GALNT9: variants seen among roughly 807,000 people sequenced by gnomAD.
The protein encoded by GALNT9 is GalNAc transferase 9.
A neutral mutation model predicts 63.1 loss-of-function variants in GALNT9; 47 were observed. The ratio of observed to expected loss-of-function variants is 0.75; its 90% CI spans 0.59 to 0.95. GALNT9 has a LOEUF of 0.95. GALNT9 is among the 40% of genes least tolerant of loss of function. GALNT9 has a pLI of 0.00. For missense variants in GALNT9, 829 were observed against 874.8 expected, an observed-to-expected ratio of 0.95 and a Z score of 0.66; for synonymous variants, 396 against 365.7, an observed-to-expected ratio of 1.08 and a Z score of -0.94.
At chr12:132,247,522 G>C in intron 6 of GALNT9, 1 of 454,596 alleles carries the variant, frequency 2.2e-6, no homozygotes, top group Non-Finnish European at 4.4e-6. Flanking sequence ...GCTCTGGAGA[G>C]GGCTCAGTGC....
At chr12:132,250,759 CCAG>C (rs2135536663) in intron 5 of GALNT9, among the ~76,000 whole-genome samples, 1 of 152,282 alleles carries the variant, frequency 6.6e-6, no homozygotes, top group South Asian at 2.1e-4. Context: ...CCACTGCACT[CCAG>C]CCCGGGTGAC....
Position 132,266,158 on chromosome 12 carries a change from C to T in GALNT9, c.420-3533G>A, listed in dbSNP as rs28407282. On this transcript the variant is annotated intron_variant, in intron 2 of 10. Transcript: ENST00000328957. ...GGCCTGTCTGCCTTTACACGCCTGACCTCGCCGTATTTCATGAACAGGCAT... is the reference window on the plus strand; with the variant it reads ...GGCCTGTCTGCCTTTACACGCCTGATCTCGCCGTATTTCATGAACAGGCAT... Among the ~76,000 whole-genome samples, 1,396 of 149,352 alleles carry T rather than the reference C, an allele frequency of 9.3e-3. 24 individuals carry two copies. The highest frequency in any genetic ancestry group is 0.071 in the South Asian group (321 of 4,502).
chr12:132,218,553 C>T (rs369398020), intron 6 of GALNT9, among the ~76,000 whole-genome samples: 1 of 152,242 alleles, frequency 6.6e-6, no homozygotes, highest in African/African-American at 2.4e-5. Context: ...GAGCCCAGGT[C>T]GGTTTCGGGA....
chr12:132,230,442 C>T (rs1005496033), intron 6 of GALNT9, among the ~76,000 whole-genome samples: 2,184 of 152,344 alleles, frequency 0.014, 44 homozygotes, highest in African/African-American at 0.05. Context: ...GGGCACCTGG[C>T]GTTCGCTGCC....
intron 2 of GALNT9, chr12:132,283,411 A>G (rs1462973287): frequency 6.6e-6 from 1 of 152,162 alleles, no homozygotes; most frequent in Non-Finnish European, 1.5e-5. Flanking sequence ...TGATGTTTCC[A>G]CTGTTGCTGT....
Position 132,319,060 on chromosome 12 carries a change from C to T in GALNT9, c.238+9906G>A, listed in dbSNP as rs1030336422. Among the ~76,000 whole-genome samples, 8 of 152,124 alleles carry T rather than the reference C, an allele frequency of 5.3e-5. No homozygotes were observed. Among genetic ancestry groups the T allele is most frequent in the Admixed American group, 4.6e-4 (7 of 15,274 alleles). On this transcript the variant is annotated intron_variant, in intron 1 of 10. Coordinates refer to ENST00000328957, the MANE Select transcript of GALNT9 (RefSeq NM_001122636.2). This position sits in a 1 kb window ranked among gnomAD's most constrained non-coding sequence, Gnocchi z 5.2. The stretch of plus-strand genomic sequence containing the variant: ...AGGAGCAGAGACAGACCTGGGTGTC[C>T]GTGGCCGCCACCGAGCCACCAAGCC...
At chr12:132,249,876 G>A (rs929258380) in intron 5 of GALNT9, among the ~76,000 whole-genome samples, 7 of 152,168 alleles carry the variant, frequency 4.6e-5, no homozygotes, top group Admixed American at 2.0e-4. Context: ...GCCTCCCCTC[G>A]GGGCGGTTCC....
At chr12:132,291,545 C>CCACATCCACA (rs1880847118) in intron 1 of GALNT9, among the ~76,000 whole-genome samples, 2 of 148,504 alleles carry the variant, frequency 1.3e-5, no homozygotes, top group South Asian at 4.3e-4. Context: ...TCCACACCAC[C>CCACATCCACA]GACATCCACA....
rs968807877 is a variant in GALNT9, at chr12:132,316,558, G to A, written c.238+12408C>T. 6.6e-6 allele frequency among the ~76,000 whole-genome samples: 1 copy of A among 152,046 alleles called. No individual in the cohort carries two copies. Among genetic ancestry groups the A allele is most frequent in the Non-Finnish European group, 1.5e-5 (1 of 67,988 alleles). ...AACCACCTGTGCTCAGGGAATGGCC[G>A]TCTGAGGTGCGAGGTGCTGCCAGGA... On this transcript the variant is annotated intron_variant, in intron 1 of 10. Transcript: ENST00000328957. The surrounding 1 kb of genome is among the most constrained non-coding windows in gnomAD (Gnocchi z 4.3).
chr12:132,233,232 G>C (rs1877912555), intron 6 of GALNT9, among the ~76,000 whole-genome samples: 1 of 19,556 alleles, frequency 5.1e-5, no homozygotes, highest in Non-Finnish European at 9.5e-5. Context: ...CCACACACTC[G>C]ATGGGGCGAC....
intron 2 of GALNT9, among the ~76,000 whole-genome samples, chr12:132,269,102 C>T (rs1314803382): frequency 6.6e-6 from 1 of 152,236 alleles, no homozygotes; most frequent in Non-Finnish European, 1.5e-5. Flanking sequence ...AAGGCCTGAG[C>T]CCTGGAACCC....
rs73469898 is a variant in GALNT9, at chr12:132,262,819, A to G, written c.420-194T>C. On this transcript the variant is annotated intron_variant, in intron 2 of 10. Coordinates refer to ENST00000328957, the MANE Select transcript of GALNT9 (RefSeq NM_001122636.2). ...GTTTGGGGTGTGGTCAGGGCGCAGCATGAGGGACCCCGGGAGCCAGGTGCA... is the reference window on the plus strand; with the variant it reads ...GTTTGGGGTGTGGTCAGGGCGCAGCGTGAGGGACCCCGGGAGCCAGGTGCA... Among the ~76,000 whole-genome samples the G allele has an allele frequency of 9.5e-3, 1,292 of 135,724 alleles. 97 individuals are homozygous for G. The highest frequency in any genetic ancestry group is 0.047 in the African/African-American group (1,227 of 26,100). 89.0% of individuals were successfully genotyped at this position (135,724 alleles called of 152,430 possible).
intron 4 of GALNT9, among the ~76,000 whole-genome samples, chr12:132,258,985 C>A (rs1227726696): frequency 6.6e-6 from 1 of 152,214 alleles, no homozygotes; most frequent in African/African-American, 2.4e-5. Context: ...AGAGGCAAGG[C>A]CCTGACCCTG....
chr12:132,197,026 CG>C lies in GALNT9; in HGVS notation c.*80del. 6.3e-7 allele frequency: 1 copy of C among 1,576,258 alleles called. No individual in the cohort carries two copies. Among genetic ancestry groups the C allele is most frequent in the South Asian group, 1.2e-5 (1 of 84,918 alleles). On this transcript the variant is annotated 3_prime_UTR_variant, in exon 11 of 11. Transcript: ENST00000328957. ...TAGAGCCCTGTCCTGCTGTGTCTGC[CG>C]GGCACACCCCGGTCACTCAGCCACA...
At chr12:132,220,157 G>C (rs1287681581) in intron 6 of GALNT9, among the ~76,000 whole-genome samples, 1 of 152,188 alleles carries the variant, frequency 6.6e-6, no homozygotes, top group East Asian at 1.9e-4. Context: ...TACTCAGGAG[G>C]CTGAGGTGGG....
At chr12:132,254,107 T>C (rs1033962548) in intron 5 of GALNT9, among the ~76,000 whole-genome samples, 1 of 152,140 alleles carries the variant, frequency 6.6e-6, no homozygotes, top group Admixed American at 6.5e-5. Context: ...CTATAACCTC[T>C]GCCTCCTCTG....
intron 6 of GALNT9, among the ~76,000 whole-genome samples, chr12:132,216,216 G>C (rs1376794254): frequency 6.6e-6 from 1 of 152,172 alleles, no homozygotes; most frequent in African/African-American, 2.4e-5. Context: ...CACGGAGAGA[G>C]AGACAAAGGA....
chr12:132,201,907 A>G (rs777172937), intron 7 of GALNT9, among the ~76,000 whole-genome samples: 34 of 130,648 alleles, frequency 2.6e-4, no homozygotes, highest in Non-Finnish European at 3.5e-4. Flanking sequence ...GGGGCCTGAG[A>G]GGCTGTAGGG....
At chr12:132,263,059 G>A (rs1379436459) in intron 2 of GALNT9, among the ~76,000 whole-genome samples, 3 of 152,040 alleles carry the variant, frequency 2.0e-5, no homozygotes, top group Non-Finnish European at 4.4e-5. Flanking sequence ...ATGAGTGCAG[G>A]TGCTTGGATT....
Sources: gnomAD v4.1 joint callset for allele counts (sites outside exome capture counted in the v4.1 genomes callset) on GRCh38, gnomAD v4.1.1 for gene constraint, Gnocchi (gnomAD v3.1) non-coding constraint, MANE v1.5 for transcripts, NCBI Gene and HGNC (gene_info 2026-07-23, HGNC 2026-07-21) for gene names.